The following ENTPD1 variants were observed in gnomAD, a reference collection of about 807,000 sequenced individuals.
ENTPD1 encodes the protein ATP diphosphohydrolase.
ENTPD1 carries 33 observed loss-of-function variants against 57.0 expected under a neutral mutation model. The ratio of observed to expected loss-of-function variants is 0.58; its 90% CI spans 0.44 to 0.77. The LOEUF (loss-of-function observed/expected upper bound fraction) is 0.77, where lower values mean the gene tolerates loss of function less well. Ranked by LOEUF, ENTPD1 falls within the 30% of genes least tolerant of loss-of-function variation. The pLI is 0.00. For missense variants in ENTPD1, 501 were observed against 603.4 expected, an observed-to-expected ratio of 0.83 and a Z score of 1.78; for synonymous variants, 202 against 218.8, an observed-to-expected ratio of 0.92 and a Z score of 0.68.
intron 1 of ENTPD1, among the ~76,000 whole-genome samples, chr10:95,733,514 A>G (rs935283988): frequency 4.6e-5 from 7 of 152,258 alleles, no homozygotes; most frequent in Non-Finnish European, 1.0e-4. Flanking sequence ...GAAGTGATAA[A>G]TGTCCATGAA....
At chr10:95,825,738 C>T (rs545549029) in intron 2 of ENTPD1, among the ~76,000 whole-genome samples, 5 of 152,172 alleles carry the variant, frequency 3.3e-5, no homozygotes, top group East Asian at 1.9e-4. Context: ...CCATCACGCC[C>T]GGCTAATTTT....
intron 1 of ENTPD1, among the ~76,000 whole-genome samples, chr10:95,809,313 C>G (rs894904509): frequency 1.3e-5 from 2 of 151,686 alleles, no homozygotes; most frequent in Admixed American, 6.6e-5. Context: ...CAGAGGCGCC[C>G]CCCACATCCC....
intron 1 of ENTPD1, among the ~76,000 whole-genome samples, chr10:95,724,978 A>C (rs2097982078): frequency 2.0e-5 from 3 of 152,116 alleles, no homozygotes; most frequent in Admixed American, 1.3e-4. Flanking sequence ...CACCTCTTAC[A>C]TGTGTGTTGG....
chr10:95,715,174 T>A lies in ENTPD1; in HGVS notation c.37+3181T>A, dbSNP rs141575477. Among the ~76,000 whole-genome samples, 251 of 152,368 alleles carry A rather than the reference T, an allele frequency of 1.6e-3. 2 individuals carry two copies. Among genetic ancestry groups the A allele is most frequent in the East Asian group, 9.6e-3 (50 of 5,188 alleles). ...TTACTTAATCAGGAGTCATTTCAGA[T>A]AACTGAGTCATACCCTCTTGTCTCT... On this transcript the variant is annotated intron_variant, in intron 1 of 9. Transcript: ENST00000453258.
intron 7 of ENTPD1, among the ~76,000 whole-genome samples, chr10:95,855,347 G>T (rs930830714): frequency 6.6e-6 from 1 of 151,830 alleles, no homozygotes; most frequent in Non-Finnish European, 1.5e-5. Flanking sequence ...CACGAGATGG[G>T]TTTCCTGAAT....
At chr10:95,760,758 G>A (rs1054414912) in intron 1 of ENTPD1, among the ~76,000 whole-genome samples, 1 of 149,088 alleles carries the variant, frequency 6.7e-6, no homozygotes, top group African/African-American at 2.5e-5. Flanking sequence ...AGAGGTGATG[G>A]GCTCCATCTG....
intron 1 of ENTPD1, among the ~76,000 whole-genome samples, chr10:95,735,832 G>A (rs899987645): frequency 6.6e-6 from 1 of 151,916 alleles, no homozygotes; most frequent in African/African-American, 2.4e-5. Flanking sequence ...CCTGACCTCA[G>A]GTGATCCACC....
At chr10:95,766,010 G>A (rs1229400803) in intron 1 of ENTPD1, among the ~76,000 whole-genome samples, 1 of 151,492 alleles carries the variant, frequency 6.6e-6, no homozygotes, top group Non-Finnish European at 1.5e-5. Context: ...TTTTTTTGTT[G>A]TTGTATTAAT....
At chr10:95,763,539 T>A (rs1050738141) in intron 1 of ENTPD1, among the ~76,000 whole-genome samples, 43 of 152,222 alleles carry the variant, frequency 2.8e-4, no homozygotes, top group Non-Finnish European at 1.2e-4. Context: ...ATTGGATATT[T>A]ATTAATCAAT....
chr10:95,802,154 T>C (rs1236712799), intron 1 of ENTPD1, among the ~76,000 whole-genome samples: 1 of 152,152 alleles, frequency 6.6e-6, no homozygotes, highest in Admixed American at 6.5e-5. Flanking sequence ...AAGAAATACA[T>C]TGGTTTGTTT....
the ENTPD1 span, among the ~76,000 whole-genome samples, chr10:95,703,888 C>T: frequency 6.6e-6 from 1 of 150,662 alleles, no homozygotes; most frequent in Non-Finnish European, 1.5e-5. Flanking sequence ...GTCAGGAGTT[C>T]ATGACCAGCC....
intron 1 of ENTPD1, among the ~76,000 whole-genome samples, chr10:95,794,645 A>G (rs11818540): frequency 0.049 from 7,507 of 152,338 alleles, 221 homozygotes; most frequent in Middle Eastern, 0.058. Context: ...ACAATTCATT[A>G]TAATAGCCTT....
At chr10:95,862,315 T>C (rs560074057) in intron 8 of ENTPD1, among the ~76,000 whole-genome samples, 2 of 152,332 alleles carry the variant, frequency 1.3e-5, no homozygotes, top group African/African-American at 4.8e-5. Context: ...GTAGAAAGCA[T>C]AGTTTTGTCA....
intron 2 of ENTPD1, among the ~76,000 whole-genome samples, chr10:95,835,310 T>G (rs1002916812): frequency 6.6e-6 from 1 of 152,252 alleles, no homozygotes; most frequent in Non-Finnish European, 1.5e-5. Context: ...ATGGTGCATA[T>G]GTACCACATT....
chr10:95,876,617 G>T lies in ENTPD1; in HGVS notation c.*10234G>T. On this transcript the variant is annotated 3_prime_UTR_variant, in exon 10 of 10. Transcript: ENST00000371205. Reference sequence around the variant, plus strand: ...AATCCACTCTGTCTCCTGCAGTGAAGTCTGTTTGAAGGATGTATTTGGCTG... The same window carrying T: ...AATCCACTCTGTCTCCTGCAGTGAATTCTGTTTGAAGGATGTATTTGGCTG... 8.1e-7 allele frequency: 1 copy of T among 1,229,742 alleles called. No individual in the cohort carries two copies. The highest frequency in any genetic ancestry group is 4.2e-5 in the South Asian group (1 of 23,680). The allele number at this position is 1,229,742 out of a possible 1,614,324, so 76.2% of individuals were successfully genotyped here.
At chr10:95,784,528 T>C (rs993758368) in intron 1 of ENTPD1, among the ~76,000 whole-genome samples, 1 of 152,132 alleles carries the variant, frequency 6.6e-6, no homozygotes, top group Non-Finnish European at 1.5e-5. Context: ...TGTTTCCTAG[T>C]CACCCCAAGA....
At chr10:95,795,497 A>G (rs1407915339) in intron 1 of ENTPD1, among the ~76,000 whole-genome samples, 1 of 152,210 alleles carries the variant, frequency 6.6e-6, no homozygotes. Flanking sequence ...TGAAAGTTCA[A>G]TAATACATAT....
chr10:95,817,957 A>C (rs528213073), intron 1 of ENTPD1, among the ~76,000 whole-genome samples: 27 of 152,348 alleles, frequency 1.8e-4, no homozygotes, highest in African/African-American at 6.3e-4. Flanking sequence ...AACTGAAAAA[A>C]TGAATGAGGC....
chr10:95,841,856 A>G (rs2098423343), intron 3 of ENTPD1, among the ~76,000 whole-genome samples: 1 of 152,160 alleles, frequency 6.6e-6, no homozygotes, highest in South Asian at 2.1e-4. Flanking sequence ...ACAGGAAGCA[A>G]CTCCACCTCA....
Sources: gnomAD v4.1 joint callset for allele counts (sites outside exome capture counted in the v4.1 genomes callset) on GRCh38, gnomAD v4.1.1 for gene constraint, MANE v1.5 for transcripts, NCBI Gene and HGNC (gene_info 2026-07-23, HGNC 2026-07-21) for gene names.